The following ATXN7L1 variants were observed in gnomAD, a reference collection of about 807,000 sequenced individuals.
The protein encoded by ATXN7L1 is ataxin 7 like 1.
A neutral mutation model predicts 70.8 loss-of-function variants in ATXN7L1; 15 were observed. The ratio of observed to expected loss-of-function variants is 0.21; its 90% CI spans 0.14 to 0.33. The LOEUF (loss-of-function observed/expected upper bound fraction) is 0.33. Among genes scored for constraint, ATXN7L1 ranks in the 10% least tolerant of loss-of-function variants. The pLI is 1.00. For missense variants in ATXN7L1, 975 were observed against 1,097.1 expected (o/e 0.89, Z 1.57); for synonymous variants, 440 against 445.1 (o/e 0.99, Z 0.14).
intron 2 of ATXN7L1, among the ~76,000 whole-genome samples, chr7:105,812,814 A>G (rs998846793): frequency 6.6e-6 from 1 of 152,114 alleles, no homozygotes; most frequent in Non-Finnish European, 1.5e-5. Context: ...CAGCCTGGAC[A>G]ACATGATGAA....
At position 105,638,407 on chromosome 7, in the gene ATXN7L1, T is replaced by A; in HGVS notation, c.1148A>T (p.Glu383Val). ...TTTTGCAGGGGATGCAACTTTTGGT[T>A]CTGGCCCAGAGCTCCCTGAAGACCC... ...LLGSSGSSGP[E>V]PKVASPAKSR... is the part of the protein sequence containing the mutation. Residue 383 changes from glutamate to valine, a missense_variant, in exon 7 of 12, where the codon GAA becomes GTA. Around this residue, in one of 5 missense-constraint regions of ATXN7L1, gnomAD observed 635 missense variants for 699.4 expected, o/e 0.91. Transcript: ENST00000419735. 6.4e-7 allele frequency: 1 copy of A among 1,552,242 alleles called. No individual in the cohort carries two copies.
At chr7:105,633,979 G>T (rs1395661628) in intron 7 of ATXN7L1, among the ~76,000 whole-genome samples, 1 of 152,116 alleles carries the variant, frequency 6.6e-6, no homozygotes, top group African/African-American at 2.4e-5. Context: ...TCCTTTTTGG[G>T]CTCATTTCCC....
chr7:105,741,059 C>T (rs529221539), intron 3 of ATXN7L1, among the ~76,000 whole-genome samples: 13 of 152,096 alleles, frequency 8.5e-5, no homozygotes, highest in East Asian at 1.9e-4. Context: ...CCACCGCACC[C>T]GGCGGTTGCT....
intron 3 of ATXN7L1, among the ~76,000 whole-genome samples, chr7:105,746,951 A>AT (rs1798655184): frequency 6.6e-6 from 1 of 152,142 alleles, no homozygotes; most frequent in African/African-American, 2.4e-5. Flanking sequence ...CCCTTCTGTG[A>AT]TTTTTTTGAA....
chr7:105,732,794 T>A (rs1796722978), intron 3 of ATXN7L1, among the ~76,000 whole-genome samples: 1 of 152,186 alleles, frequency 6.6e-6, no homozygotes. Context: ...GTCTGCCTCG[T>A]TTACTTCCCC....
At chr7:105,737,208 A>G (rs995499587) in intron 3 of ATXN7L1, among the ~76,000 whole-genome samples, 1 of 152,202 alleles carries the variant, frequency 6.6e-6, no homozygotes, top group East Asian at 1.9e-4. Context: ...ATTGCCATAG[A>G]TTTTCACATA....
intron 2 of ATXN7L1, among the ~76,000 whole-genome samples, chr7:105,849,014 C>T (rs1020905188): frequency 2.6e-5 from 4 of 152,242 alleles, no homozygotes; most frequent in Admixed American, 2.0e-4. Flanking sequence ...ATTCCTCCAC[C>T]TGCAAGTCCC....
At chr7:105,862,980 C>T (rs970389370) in intron 2 of ATXN7L1, among the ~76,000 whole-genome samples, 14 of 152,116 alleles carry the variant, frequency 9.2e-5, no homozygotes, top group Admixed American at 2.6e-4. Flanking sequence ...GACTTTCACA[C>T]CCACTTAGCA....
chr7:105,742,232 C>G (rs565284487), intron 3 of ATXN7L1, among the ~76,000 whole-genome samples: 1 of 152,200 alleles, frequency 6.6e-6, no homozygotes, highest in African/African-American at 2.4e-5. Flanking sequence ...CTGGCTTTAT[C>G]TTCTGCAGAG....
chr7:105,875,570 C>A (rs73193850), intron 2 of ATXN7L1, among the ~76,000 whole-genome samples: 2,417 of 150,226 alleles, frequency 0.016, 34 homozygotes, highest in Non-Finnish European at 0.027. Context: ...AAGGTTCAAA[C>A]GTGGAGTCCA....
chr7:105,852,955 G>T (rs1815098364), intron 2 of ATXN7L1, among the ~76,000 whole-genome samples: 1 of 152,016 alleles, frequency 6.6e-6, no homozygotes, highest in South Asian at 2.1e-4. Flanking sequence ...AGTCGCAAAA[G>T]GACACACACT....
chr7:105,757,006 A>G (rs946210647), intron 3 of ATXN7L1, among the ~76,000 whole-genome samples: 3 of 152,218 alleles, frequency 2.0e-5, no homozygotes, highest in Non-Finnish European at 4.4e-5. Context: ...AAAGATGGAT[A>G]TGATAAAAGG....
At chr7:105,786,848 C>A (rs1804374822) in intron 3 of ATXN7L1, among the ~76,000 whole-genome samples, 1 of 152,192 alleles carries the variant, frequency 6.6e-6, no homozygotes, top group Non-Finnish European at 1.5e-5. Flanking sequence ...CAATAGAATG[C>A]AACCCCTTGT....
At chr7:105,839,595 G>C (rs1812905187) in intron 2 of ATXN7L1, among the ~76,000 whole-genome samples, 1 of 152,184 alleles carries the variant, frequency 6.6e-6, no homozygotes, top group Non-Finnish European at 1.5e-5. Context: ...TTTTCTCCCT[G>C]CATCTCTGCT....
chr7:105,819,746 GCATGTTGCCCCA>G (rs1809813240), intron 2 of ATXN7L1: 1 of 749,078 alleles, frequency 1.3e-6, no homozygotes, highest in Admixed American at 1.8e-5. Context: ...TGACCTCGAG[GCATGTTGCCCCA>G]CAAGACAAAG....
intron 3 of ATXN7L1, among the ~76,000 whole-genome samples, chr7:105,762,089 T>A (rs771262306): frequency 6.6e-6 from 1 of 152,218 alleles, no homozygotes. Flanking sequence ...AGGGACTCTG[T>A]GCAACCCAGG....
chr7:105,762,558 CT>C (rs1800688580), intron 3 of ATXN7L1, among the ~76,000 whole-genome samples: 1 of 152,190 alleles, frequency 6.6e-6, no homozygotes, highest in Non-Finnish European at 1.5e-5. Flanking sequence ...GCCCCTTCCC[CT>C]ACCCAATCAC....
intron 3 of ATXN7L1, among the ~76,000 whole-genome samples, chr7:105,771,203 TAA>T: frequency 1.5e-5 from 1 of 67,462 alleles, no homozygotes; most frequent in South Asian, 6.2e-4. Flanking sequence ...CCGTCTCTGA[TAA>T]TAATAATAAT....
intron 8 of ATXN7L1, among the ~76,000 whole-genome samples, chr7:105,620,707 C>T (rs1350550996): frequency 6.6e-6 from 1 of 152,018 alleles, no homozygotes; most frequent in Non-Finnish European, 1.5e-5. Context: ...CCAGTCTGGC[C>T]AACATGGTGA....
Sources: allele counts gnomAD v4.1 joint callset (sites outside exome capture counted in the v4.1 genomes callset), GRCh38; gene constraint gnomAD v4.1.1; regional missense constraint gnomAD v4.1.1; transcripts MANE v1.5; gene names NCBI Gene and HGNC (gene_info 2026-07-23, HGNC 2026-07-21).